CCDC85A: variants seen among roughly 807,000 people sequenced by gnomAD.
CCDC85A encodes the protein coiled-coil domain-containing protein 85A.
A neutral mutation model predicts 50.2 loss-of-function variants in CCDC85A; 38 were observed. The ratio of observed to expected loss-of-function variants is 0.76; its 90% CI spans 0.58 to 0.99. The LOEUF (loss-of-function observed/expected upper bound fraction) is 0.99, where lower values mean the gene tolerates loss of function less well. Among genes scored for constraint, CCDC85A ranks in the 50% least tolerant of loss-of-function variants. The probability of loss-of-function intolerance (pLI) is 0.00; values close to 1 mark genes in which losing one functional copy is unlikely to be tolerated. For missense variants in CCDC85A, 820 were observed against 742.0 expected (o/e 1.11, Z -1.22); for synonymous variants, 366 against 301.4 (o/e 1.21, Z -2.22).
intron 2 of CCDC85A, among the ~76,000 whole-genome samples, chr2:56,296,059 T>C (rs184042812): frequency 1.3e-5 from 2 of 152,348 alleles, no homozygotes; most frequent in Admixed American, 6.5e-5. Context: ...AAATGTGGAA[T>C]CTACAGGCAG....
chr2:56,374,544 C>A (rs1035388379), intron 4 of CCDC85A, among the ~76,000 whole-genome samples: 1 of 152,166 alleles, frequency 6.6e-6, no homozygotes, highest in Non-Finnish European at 1.5e-5. Context: ...CAGGATTGCT[C>A]ATGCCTGTAA....
rs569574588 is a variant in CCDC85A at position 56,185,009 on chromosome 2, C to T, written c.276+109C>T. On this transcript the variant is annotated intron_variant, in intron 1 of 5. Transcript: ENST00000407595. The stretch of plus-strand genomic sequence containing the variant: ...TCCCTCCCTCAACAGGTGACCCTCC[C>T]CTTCTCCCGGTCGGCACCCCCTACC... The T allele has an allele frequency of 2.3e-6, 3 of 1,332,520 alleles. No individual in the cohort carries two copies. In the South Asian group the frequency reaches 4.7e-5, roughly 21 times the overall value. 82.5% of individuals were successfully genotyped at this position (1,332,520 alleles called of 1,614,324 possible). A position where few individuals can be genotyped will look rare whatever the true frequency, so the allele number is the denominator to read the frequency against.
chr2:56,299,424 G>A (rs1672103282), intron 2 of CCDC85A, among the ~76,000 whole-genome samples: 1 of 152,140 alleles, frequency 6.6e-6, no homozygotes, highest in African/African-American at 2.4e-5. Flanking sequence ...ATGCATCTGT[G>A]CTGCAATAAG....
Position 56,321,099 on chromosome 2 carries a change from G to A in CCDC85A, c.1241-21780G>A, listed in dbSNP as rs375792779. On this transcript the variant is annotated intron_variant, in intron 2 of 5. Transcript: ENST00000407595. Reference sequence around the variant, plus strand: ...CTGACAAAATTCAACAACCCTTCATGCTAAAACCTCTCAATAAATTAGGTA... The same window carrying A: ...CTGACAAAATTCAACAACCCTTCATACTAAAACCTCTCAATAAATTAGGTA... Among the ~76,000 whole-genome samples, 6 of 152,074 alleles carry A rather than the reference G, an allele frequency of 3.9e-5. No individual in the cohort carries two copies. The East Asian group carries it at 1.2e-3, about 29-fold the overall frequency.
chr2:56,329,099 T>A (rs1357293777), intron 2 of CCDC85A, among the ~76,000 whole-genome samples: 3 of 152,148 alleles, frequency 2.0e-5, no homozygotes, highest in Non-Finnish European at 4.4e-5. Context: ...CCCTGTCTTC[T>A]CCCTTCCCCC....
intron 2 of CCDC85A, among the ~76,000 whole-genome samples, chr2:56,197,964 G>A (rs1288964142): frequency 5.9e-5 from 9 of 152,180 alleles, no homozygotes; most frequent in African/African-American, 1.7e-4. Flanking sequence ...TGTCGGTGAC[G>A]CCTGCACTGC....
rs1244945411 is a variant in CCDC85A, at chr2:56,372,405, G to A, written c.1379G>A (p.Gly460Glu). The change falls in exon 4 of 6, where the codon GGG (glycine) becomes GAG (glutamate). Residue 460 changes from glycine to glutamate, a missense_variant. By Grantham distance (98) the Gly-to-Glu change is moderately conservative. Transcript: ENST00000407595. ...RNSSNMEKGW[G>E]SRARRVLQWW... ...AGCTCAAATATGGAGAAAGGCTGGGGGTCCAGAGCCCGGCGGGTCTTGCAG... is the reference window on the plus strand; with the variant it reads ...AGCTCAAATATGGAGAAAGGCTGGGAGTCCAGAGCCCGGCGGGTCTTGCAG... 4 of 1,605,228 alleles carry A rather than the reference G, an allele frequency of 2.5e-6. No homozygotes were observed. The highest frequency in any genetic ancestry group is 2.2e-5 in the East Asian group (1 of 44,512).
chr2:56,289,464 T>A lies in CCDC85A; in HGVS notation c.1241-53415T>A, dbSNP rs530194026. Reference sequence around the variant, plus strand: ...GTCTTGAAAGTTGAGTAGGATTTCATTGGGCAAAGGGGGTGATATGGGTGG... The same window carrying A: ...GTCTTGAAAGTTGAGTAGGATTTCAATGGGCAAAGGGGGTGATATGGGTGG... On this transcript the variant is annotated intron_variant, in intron 2 of 5. Coordinates refer to ENST00000407595, the MANE Select transcript of CCDC85A (RefSeq NM_001080433.2). Among the ~76,000 whole-genome samples the A allele has an allele frequency of 3.3e-5, 5 of 152,130 alleles. No individual in the cohort carries two copies. In the East Asian group the frequency reaches 9.7e-4, roughly 29 times the overall value.
At chr2:56,257,954 A>G (rs768295683) in intron 2 of CCDC85A, among the ~76,000 whole-genome samples, 4 of 152,192 alleles carry the variant, frequency 2.6e-5, no homozygotes, top group Non-Finnish European at 5.9e-5. Context: ...CAGAAATAAA[A>G]AATCATCAGT....
intron 2 of CCDC85A, among the ~76,000 whole-genome samples, chr2:56,276,808 A>C (rs958563174): frequency 1.3e-5 from 2 of 152,050 alleles, no homozygotes; most frequent in African/African-American, 4.8e-5. Context: ...AACTTGTGTC[A>C]TGGGGTTTAT....
chr2:56,185,213 G>T (rs1675962075), intron 1 of CCDC85A, among the ~76,000 whole-genome samples: 1 of 152,228 alleles, frequency 6.6e-6, no homozygotes, highest in African/African-American at 2.4e-5. Flanking sequence ...TGGAAAATCT[G>T]TGCCTGGGGA....
intron 2 of CCDC85A, among the ~76,000 whole-genome samples, chr2:56,328,507 T>A (rs1476661438): frequency 6.6e-6 from 1 of 152,158 alleles, no homozygotes; most frequent in Non-Finnish European, 1.5e-5. Context: ...GACTTCACAT[T>A]TAAACCAAGA....
At chr2:56,294,174 A>G (rs1671843380) in intron 2 of CCDC85A, among the ~76,000 whole-genome samples, 1 of 152,156 alleles carries the variant, frequency 6.6e-6, no homozygotes, top group Non-Finnish European at 1.5e-5. Context: ...ATCCTCAGCA[A>G]AGTAACGCAG....
chr2:56,372,795 G>C (rs1676142897), intron 4 of CCDC85A, among the ~76,000 whole-genome samples: 1 of 152,180 alleles, frequency 6.6e-6, no homozygotes, highest in Non-Finnish European at 1.5e-5. Flanking sequence ...GACAAGCTCA[G>C]AAAAGTACTC....
intron 2 of CCDC85A, among the ~76,000 whole-genome samples, chr2:56,247,984 G>C (rs1669585006): frequency 6.6e-6 from 1 of 152,198 alleles, no homozygotes; most frequent in South Asian, 2.1e-4. Flanking sequence ...ATGGGGAGCA[G>C]GGAGACTTGT....
chr2:56,242,824 C>G (rs576339211), intron 2 of CCDC85A, among the ~76,000 whole-genome samples: 1 of 152,128 alleles, frequency 6.6e-6, no homozygotes, highest in South Asian at 2.1e-4. Context: ...GGGTATTTGT[C>G]AAGAAATTTT....
At chr2:56,321,676 G>A (rs1276647814) in intron 2 of CCDC85A, among the ~76,000 whole-genome samples, 2 of 152,086 alleles carry the variant, frequency 1.3e-5, no homozygotes, top group Non-Finnish European at 2.9e-5. Context: ...TTCCATGCTC[G>A]TGGATACGAA....
Position 56,384,549 on chromosome 2 carries a change from C to T in CCDC85A, c.*194C>T. 1 of 535,054 alleles carries T rather than the reference C, an allele frequency of 1.9e-6. No homozygotes were observed. The highest frequency in any genetic ancestry group is 3.4e-6 in the Non-Finnish European group (1 of 297,258). 33.1% of individuals were successfully genotyped at this position (535,054 alleles called of 1,614,324 possible). On this transcript the variant is annotated 3_prime_UTR_variant, in exon 6 of 6. Coordinates refer to ENST00000407595, the MANE Select transcript of CCDC85A (RefSeq NM_001080433.2). ...AGCTGATATTCTGTGTCTCTCACCTCAATGTCCACAACAGTCAATCTCAAA... is the reference window on the plus strand; with the variant it reads ...AGCTGATATTCTGTGTCTCTCACCTTAATGTCCACAACAGTCAATCTCAAA...
intron 2 of CCDC85A, among the ~76,000 whole-genome samples, chr2:56,320,620 A>G (rs980428568): frequency 7.9e-5 from 12 of 152,166 alleles, no homozygotes; most frequent in South Asian, 2.1e-4. Context: ...GAGACCAATA[A>G]CAGGCTCTGA....
Sources: gnomAD v4.1 joint callset for allele counts (sites outside exome capture counted in the v4.1 genomes callset) on GRCh38, gnomAD v4.1.1 for gene constraint, MANE v1.5 for transcripts, NCBI Gene and HGNC (gene_info 2026-07-23, HGNC 2026-07-21) for gene names.